The following TBCD variants were observed in gnomAD, a reference collection of about 807,000 sequenced individuals.
TBCD encodes the protein tubulin folding cofactor D, also known as tubulin-specific chaperone D.
A neutral mutation model predicts 169.3 loss-of-function variants in TBCD; 105 were observed. The ratio of observed to expected loss-of-function variants is 0.62; its 90% CI spans 0.53 to 0.73. The LOEUF (loss-of-function observed/expected upper bound fraction) is 0.73, where lower values mean the gene tolerates loss of function less well. TBCD is among the 30% of genes least tolerant of loss of function. The pLI, the probability that TBCD is intolerant of heterozygous loss-of-function variation, is 0.00. For synonymous variants in TBCD, 700 were observed against 643.9 expected, an observed-to-expected ratio of 1.09 and a Z score of -1.32; for missense variants, 1,444 against 1,600.1, an observed-to-expected ratio of 0.90 and a Z score of 1.66.
Position 82,903,336 on chromosome 17 carries a change from T to C in TBCD, c.1731-69T>C. The C allele has an allele frequency of 6.9e-7, 1 of 1,452,292 alleles. No individual in the cohort carries two copies. Among genetic ancestry groups the C allele is most frequent in the Non-Finnish European group, 9.5e-7 (1 of 1,057,252 alleles). The allele number at this position is 1,452,292 out of a possible 1,614,324, so 90.0% of individuals were successfully genotyped here. A position where few individuals can be genotyped will look rare whatever the true frequency, so the allele number is the denominator to read the frequency against. On this transcript the variant is annotated intron_variant, in intron 18 of 38. Coordinates refer to ENST00000355528, the MANE Select transcript of TBCD (RefSeq NM_005993.5). This position sits in a 1 kb window ranked among gnomAD's most constrained non-coding sequence, Gnocchi z 4.8. The stretch of plus-strand genomic sequence containing the variant: ...CTCGTGTGTTGTCTCCCTCACTTTC[T>C]TTTTATGAATTGAATAAAGCTAGAA...
intron 13 of TBCD, chr17:82,859,631 G>A (rs1248193044): frequency 1.7e-5 from 17 of 985,356 alleles, no homozygotes; most frequent in Non-Finnish European, 1.9e-5. Context: ...AGGACAAAGA[G>A]TGGAGGTTGG....
rs9891862 is a variant in TBCD at position 82,900,793 on chromosome 17, G to A, written c.1730+62G>A. ...TTCCCCCCAAAGGAGAGATTCAGTTGAGCTTATAAGCCTTGAGTGTATTTT... is the reference window on the plus strand; with the variant it reads ...TTCCCCCCAAAGGAGAGATTCAGTTAAGCTTATAAGCCTTGAGTGTATTTT... On this transcript the variant is annotated intron_variant, in intron 18 of 38. Coordinates refer to ENST00000355528, the MANE Select transcript of TBCD (RefSeq NM_005993.5). 704,411 of 1,256,138 alleles carry A rather than the reference G, an allele frequency of 0.56. 201,219 individuals carry two copies. Among genetic ancestry groups the A allele is most frequent in the East Asian group, 0.74 (31,985 of 43,268 alleles). The allele number at this position is 1,256,138 out of a possible 1,614,324, so 77.8% of individuals were successfully genotyped here. A position where few individuals can be genotyped will look rare whatever the true frequency, so the allele number is the denominator to read the frequency against.
intron 13 of TBCD, chr17:82,838,706 C>G: frequency 4.1e-6 from 4 of 985,404 alleles, no homozygotes; most frequent in Non-Finnish European, 4.8e-6. Context: ...GAAAGATAAA[C>G]CTCAGGACAA....
intron 17 of TBCD, among the ~76,000 whole-genome samples, chr17:82,899,816 C>T (rs1349183192): frequency 6.6e-6 from 1 of 152,100 alleles, no homozygotes; most frequent in Non-Finnish European, 1.5e-5. Context: ...TAAAATTTAC[C>T]CATTCGAGTG....
chr17:82,893,843 T>C (rs2059305448), intron 17 of TBCD, among the ~76,000 whole-genome samples: 1 of 152,244 alleles, frequency 6.6e-6, no homozygotes, highest in African/African-American at 2.4e-5. Context: ...CTACGCTAGA[T>C]AGGGGACATT....
In TBCD at chr17:82,891,020, C is replaced by A. The variant is rs552106374; in HGVS notation, c.1563+1323C>A. ...CTGGGCTTCCAGCCCCTCCAGAGCCCCCACTGGAGAGGGGCGTGCTGAGGC... is the reference window on the plus strand; with the variant it reads ...CTGGGCTTCCAGCCCCTCCAGAGCCACCACTGGAGAGGGGCGTGCTGAGGC... On this transcript the variant is annotated intron_variant, in intron 16 of 38. Transcript: ENST00000355528. 3.9e-5 allele frequency among the ~76,000 whole-genome samples: 6 copies of A among 152,340 alleles called. No individual in the cohort carries two copies. In the East Asian group the frequency reaches 1.2e-3, roughly 29 times the overall value.
intron 33 of TBCD, among the ~76,000 whole-genome samples, chr17:82,931,474 C>T (rs1049733883): frequency 1.3e-5 from 2 of 152,238 alleles, no homozygotes; most frequent in African/African-American, 4.8e-5. Context: ...GGCGCTGGGC[C>T]GCGTGCCGGT....
chr17:82,787,318 G>A (rs1243286770), intron 7 of TBCD, among the ~76,000 whole-genome samples: 1 of 152,270 alleles, frequency 6.6e-6, no homozygotes, highest in Non-Finnish European at 1.5e-5. Context: ...TCCCTGGGAA[G>A]GGAATGAATG....
chr17:82,781,522 G>A, intron 6 of TBCD, 67 bp from the exon 7 acceptor site: 3 of 1,585,680 alleles, frequency 1.9e-6, no homozygotes, highest in South Asian at 2.3e-5. Flanking sequence ...TGTGTGTGGG[G>A]TGGGCTGGTG....
At chr17:82,807,817 G>A in intron 11 of TBCD, 149 bp downstream of exon 11, 1 of 540,596 alleles carries the variant, frequency 1.8e-6, no homozygotes, top group Non-Finnish European at 2.9e-6. Flanking sequence ...TTACGTGTTG[G>A]CGTGAAGATG....
chr17:82,795,479 C>T (rs753795824), intron 7 of TBCD: 6 of 963,044 alleles, frequency 6.2e-6, no homozygotes, highest in Non-Finnish European at 6.2e-6. Context: ...TTCCAGCAGC[C>T]TCTGTAGCGG....
chr17:82,856,779 C>T lies in TBCD; in HGVS notation c.1319-13445C>T, dbSNP rs1454826874. Among the ~76,000 whole-genome samples the T allele has an allele frequency of 7.3e-3, 1,028 of 140,180 alleles. 27 individuals are homozygous for T. Among genetic ancestry groups the T allele is most frequent in the African/African-American group, 0.026 (950 of 37,110 alleles). 92.0% of individuals were successfully genotyped at this position (140,180 alleles called of 152,430 possible). A position where few individuals can be genotyped will look rare whatever the true frequency, so the allele number is the denominator to read the frequency against. On this transcript the variant is annotated intron_variant, in intron 13 of 38. Transcript: ENST00000355528. ...CGCATCCAGGGCGGGATCGCTGGAC[C>T]GCGTGCGGACCCTCGCTGCGCATCC...
chr17:82,810,014 A>G (rs2051308710), intron 12 of TBCD, among the ~76,000 whole-genome samples: 1 of 152,206 alleles, frequency 6.6e-6, no homozygotes, highest in South Asian at 2.1e-4. Flanking sequence ...CAGTTTAGAC[A>G]TATACCCATG....
rs372662619 is a variant in TBCD at position 82,941,404 on chromosome 17, C to T, written c.3485C>T (p.Ala1162Val). 78 of 1,592,520 alleles carry T rather than the reference C, an allele frequency of 4.9e-5. No homozygotes were observed. The highest frequency in any genetic ancestry group is 3.3e-4 in the Middle Eastern group (2 of 6,062). ...VTVLSDTAWD[A>V]ELAVVREQRN... ...GGCTCTCCCTCTCCTCACAGGGACG[C>T]GGAGCTTGCAGTGGTGAGAGAGCAG... The change falls in exon 38 of 39, where the codon GCG (alanine) becomes GTG (valine). Residue 1162 changes from alanine (A) to valine (V), a missense_variant. Physicochemically the swap from Ala to Val is moderately conservative, Grantham distance 64. Transcript: ENST00000355528.
At chr17:82,876,841 T>C in intron 14 of TBCD, 1 of 321,910 alleles carries the variant, frequency 3.1e-6, no homozygotes, top group South Asian at 1.2e-4. Context: ...GCTGCAGCCC[T>C]GTGGTCTGTG....
intron 35 of TBCD, chr17:82,937,818 C>T: frequency 2.8e-6 from 4 of 1,452,308 alleles, no homozygotes; most frequent in South Asian, 1.4e-5. Context: ...GCAGGAGATC[C>T]TCTGTGAGGC....
At position 82,752,287 on chromosome 17, in the gene TBCD, G is replaced by T; in HGVS notation, c.94G>T (p.Glu32Ter). ...TGGCGCGGCGCTGGAAGCGTTCGGC[G>T]AGAGCGCGGAGACCCGGGCGCTGCT... The part of the protein sequence containing the change: ...AFGAALEAFG[E>*]SAETRALLGR... The change falls in exon 1 of 39, where the codon GAG (glutamate) becomes TAG (stop). Residue 32 changes from glutamate (E) to a stop codon, truncating the protein, a stop_gained. Coordinates refer to ENST00000355528, the MANE Select transcript of TBCD (RefSeq NM_005993.5). LOFTEE classifies it high-confidence loss of function. The T allele has an allele frequency of 6.6e-7, 1 of 1,512,428 alleles. No homozygotes were observed. The highest frequency in any genetic ancestry group is 1.2e-5 in the South Asian group (1 of 81,554). The allele number at this position is 1,512,428 out of a possible 1,614,324, so 93.7% of individuals were successfully genotyped here.
At chr17:82,845,729 C>G (rs960805083) in intron 13 of TBCD, among the ~76,000 whole-genome samples, 3 of 152,230 alleles carry the variant, frequency 2.0e-5, no homozygotes, top group Non-Finnish European at 2.9e-5. Flanking sequence ...CCATCTTCAC[C>G]CTTTGTGACT....
Position 82,923,614 on chromosome 17 carries a change from A to G in TBCD, c.2179-38A>G. On this transcript the variant is annotated intron_variant, in intron 25 of 38. Coordinates refer to ENST00000355528, the MANE Select transcript of TBCD (RefSeq NM_005993.5). The surrounding 1 kb of genome is among the most constrained non-coding windows in gnomAD (Gnocchi z 4.6). ...TCCCTGGCCGGGGGCTTCTCCGAGC[A>G]GAGCTGCTGTGCGCTCACCGTGCTG... is the stretch of plus-strand genomic sequence containing the variant. 7.2e-6 allele frequency: 11 copies of G among 1,524,388 alleles called. No individual in the cohort carries two copies. Among genetic ancestry groups the G allele is most frequent in the Non-Finnish European group, 9.8e-6 (11 of 1,123,678 alleles). The allele number at this position is 1,524,388 out of a possible 1,614,324, so 94.4% of individuals were successfully genotyped here. A position where few individuals can be genotyped will look rare whatever the true frequency, so the allele number is the denominator to read the frequency against.
Sources: gnomAD v4.1 joint callset for allele counts (sites outside exome capture counted in the v4.1 genomes callset) on GRCh38, gnomAD v4.1.1 for gene constraint, Gnocchi (gnomAD v3.1) non-coding constraint, MANE v1.5 for transcripts, NCBI Gene and HGNC (gene_info 2026-07-23, HGNC 2026-07-21) for gene names.